PDE10A: variants seen among roughly 807,000 people sequenced by gnomAD.
PDE10A encodes the protein cAMP and cAMP-inhibited cGMP 3',5'-cyclic phosphodiesterase 10A.
Under a neutral mutation model 97.7 loss-of-function variants are expected in PDE10A, and 39 were observed. That is an observed-to-expected ratio of 0.40 (90% confidence interval 0.31 to 0.52). The LOEUF (loss-of-function observed/expected upper bound fraction) is 0.52. PDE10A is among the 20% of genes least tolerant of loss of function. PDE10A has a pLI of 0.56. For synonymous variants in PDE10A, 371 were observed against 376.8 expected (o/e 0.98, Z 0.18); for missense variants, 731 against 1,047.8 (o/e 0.70, Z 4.17).
At chr6:165,885,739 AT>A (rs1451123940) in intron 1 of PDE10A, among the ~76,000 whole-genome samples, 2 of 152,182 alleles carry the variant, frequency 1.3e-5, no homozygotes, top group Non-Finnish European at 2.9e-5. Flanking sequence ...CCTTTATTGG[AT>A]GCCTTTGATA....
chr6:165,696,360 C>G (rs9459478), intron 1 of PDE10A, among the ~76,000 whole-genome samples: 23,646 of 152,148 alleles, frequency 0.16, 3,794 homozygotes, highest in African/African-American at 0.41. Context: ...ACCATTCTGA[C>G]TAGTGTGATG....
intron 1 of PDE10A, among the ~76,000 whole-genome samples, chr6:165,716,068 C>T (rs1792019164): frequency 6.6e-6 from 1 of 152,198 alleles, no homozygotes; most frequent in Non-Finnish European, 1.5e-5. Flanking sequence ...GAGAGAAAGA[C>T]CGCCTCAGAG....
At chr6:165,825,320 C>A (rs1258560545) in intron 1 of PDE10A, among the ~76,000 whole-genome samples, 7 of 152,134 alleles carry the variant, frequency 4.6e-5, no homozygotes, top group Non-Finnish European at 4.4e-5. Context: ...CCAAGTGGGT[C>A]TTTTTCATTC....
rs557156982 is a variant in PDE10A at position 165,714,287 on chromosome 6, G to A, written c.-614-170719C>T. Among the ~76,000 whole-genome samples, 172 of 152,316 alleles carry A rather than the reference G, an allele frequency of 1.1e-3. 1 individual carries two copies. Among genetic ancestry groups the A allele is most frequent in the Middle Eastern group, 3.4e-3 (1 of 294 alleles). ...GATGGGAGCCTGCAGAGGGGGTGGC[G>A]TGCCGTAGCCACTCCTGCCCTCTGT... On this transcript the variant is annotated intron_variant, in intron 1 of 19. Coordinates refer to the PDE10A transcript ENST00000366882.
At position 165,649,285 on chromosome 6, in the gene PDE10A, A is replaced by G. The variant is rs564130371; in HGVS notation, c.865+12662T>C. On this transcript the variant is annotated intron_variant, in intron 1 of 21. Transcript: ENST00000539869. ...GACTAGAAGGAAATAATATTAAGTG[A>G]TAAGACAAAGAAAGCTGTCACCACT... Among the ~76,000 whole-genome samples the G allele has an allele frequency of 2.0e-5, 3 of 152,306 alleles. No individual in the cohort carries two copies. The South Asian group carries it at 6.2e-4, about 32-fold the overall frequency.
intron 1 of PDE10A, among the ~76,000 whole-genome samples, chr6:165,854,529 C>T (rs1477932695): frequency 6.6e-6 from 1 of 152,198 alleles, no homozygotes; most frequent in Non-Finnish European, 1.5e-5. Context: ...TGAGGGGCGG[C>T]CTCAAGGAGC....
At chr6:165,648,158 G>C (rs1033869586) in intron 1 of PDE10A, among the ~76,000 whole-genome samples, 1 of 152,014 alleles carries the variant, frequency 6.6e-6, no homozygotes, top group South Asian at 2.1e-4. Context: ...GACTATAGGC[G>C]CCCACCACCA....
chr6:165,966,241 A>G (rs1784507155), intron 1 of PDE10A, among the ~76,000 whole-genome samples: 1 of 152,240 alleles, frequency 6.6e-6, no homozygotes, highest in Non-Finnish European at 1.5e-5. Flanking sequence ...GAGCTTAGGT[A>G]AGTCAGGTCA....
At chr6:165,775,252 A>G (rs1166871115) in intron 1 of PDE10A, 1 of 152,178 alleles carries the variant, frequency 6.6e-6, no homozygotes, top group African/African-American at 2.4e-5. Flanking sequence ...GCTTGTTGCT[A>G]CAACAAGAAC....
At chr6:165,897,338 G>A (rs1037409172) in intron 1 of PDE10A, among the ~76,000 whole-genome samples, 2 of 151,896 alleles carry the variant, frequency 1.3e-5, no homozygotes, top group African/African-American at 4.8e-5. Flanking sequence ...GAAACACCTG[G>A]GGAGGGATGC....
At chr6:165,880,227 T>A (rs764234421) in intron 1 of PDE10A, among the ~76,000 whole-genome samples, 3 of 152,194 alleles carry the variant, frequency 2.0e-5, no homozygotes, top group African/African-American at 4.8e-5. Flanking sequence ...TAATAGTTCT[T>A]TGGAAGTAGG....
chr6:165,918,133 CAT>C (rs1309292269), intron 1 of PDE10A, among the ~76,000 whole-genome samples: 4 of 152,190 alleles, frequency 2.6e-5, no homozygotes, highest in Non-Finnish European at 4.4e-5. Context: ...GCAATGGTCT[CAT>C]GTGTAGAATT....
chr6:165,872,534 G>T (rs887002340), intron 1 of PDE10A, among the ~76,000 whole-genome samples: 1 of 152,148 alleles, frequency 6.6e-6, no homozygotes, highest in Non-Finnish European at 1.5e-5. Context: ...GGCTGCTGGG[G>T]TGAGCTCCCT....
At chr6:165,731,204 G>T (rs187056020) in intron 1 of PDE10A, among the ~76,000 whole-genome samples, 18 of 152,312 alleles carry the variant, frequency 1.2e-4, no homozygotes, top group Admixed American at 1.1e-3. Flanking sequence ...CTGGAGACTC[G>T]ATAGAGAACA....
chr6:165,543,825 TA>T, intron 1 of PDE10A, among the ~76,000 whole-genome samples: 1 of 146,184 alleles, frequency 6.8e-6, no homozygotes, highest in Non-Finnish European at 1.5e-5. Context: ...ATTGTACGCT[TA>T]AAACAGCATT....
At chr6:165,950,484 G>T (rs1439951214) in intron 1 of PDE10A, among the ~76,000 whole-genome samples, 1 of 152,144 alleles carries the variant, frequency 6.6e-6, no homozygotes, top group Non-Finnish European at 1.5e-5. Context: ...TGATGCACCT[G>T]TTCCCTAGGA....
At chr6:165,420,101 A>G (rs1162020642) in intron 10 of PDE10A, among the ~76,000 whole-genome samples, 2 of 152,218 alleles carry the variant, frequency 1.3e-5, no homozygotes, top group African/African-American at 4.8e-5. Flanking sequence ...CTACAGAAAC[A>G]GCAGAAACCA....
intron 1 of PDE10A, among the ~76,000 whole-genome samples, chr6:165,915,496 T>G (rs1782581280): frequency 6.6e-6 from 1 of 152,144 alleles, no homozygotes; most frequent in African/African-American, 2.4e-5. Context: ...CAGCCCACGG[T>G]CTCTCTGCAC....
At chr6:165,897,182 C>T (rs960735533) in intron 1 of PDE10A, among the ~76,000 whole-genome samples, 2 of 152,148 alleles carry the variant, frequency 1.3e-5, no homozygotes, top group Non-Finnish European at 2.9e-5. Flanking sequence ...AAAAGGTGAA[C>T]CTGCAGTGTT....
Sources: allele counts gnomAD v4.1 joint callset (sites outside exome capture counted in the v4.1 genomes callset), GRCh38; gene constraint gnomAD v4.1.1; transcripts MANE v1.5; gene names NCBI Gene and HGNC (gene_info 2026-07-23, HGNC 2026-07-21).